Variants in CD81 observed in about 807,000 individuals in gnomAD.
CD81 encodes CD81 molecule, also known as CD81 antigen.
CD81 carries 10 observed loss-of-function variants against 30.1 expected under a neutral mutation model. That is an observed-to-expected ratio of 0.33 (90% CI 0.21 to 0.56). The LOEUF (loss-of-function observed/expected upper bound fraction) is 0.56. Among genes scored for constraint, CD81 ranks in the 20% least tolerant of loss-of-function variants. The pLI is 0.89. For synonymous variants in CD81, 147 were observed against 126.4 expected, an observed-to-expected ratio of 1.16 and a Z score of -1.10; for missense variants, 263 against 308.7, an observed-to-expected ratio of 0.85 and a Z score of 1.11.
chr11:2,395,094 CCTCCT>C (rs1269337825), intron 4 of CD81, 48 bp downstream of exon 4: 1 of 1,495,678 alleles, frequency 6.7e-7, no homozygotes, highest in South Asian at 1.1e-5. Context: ...ACGGGGGCAC[CCTCCT>C]CTCCTGTCGC....
intron 1 of CD81, chr11:2,390,059 G>C (rs762719076): frequency 3.0e-5 from 12 of 401,170 alleles, no homozygotes; most frequent in Non-Finnish European, 5.7e-5. Flanking sequence ...TTATTTTTTT[G>C]TATGTCCCGT....
At chr11:2,385,297 C>G (rs1015591118) in intron 1 of CD81, among the ~76,000 whole-genome samples, 4 of 152,142 alleles carry the variant, frequency 2.6e-5, no homozygotes, top group African/African-American at 7.2e-5. Flanking sequence ...GAAACCATCA[C>G]CAACTCCCCA....
Position 2,394,246 on chromosome 11 carries a change from T to C in CD81, c.279+54T>C. 6 of 1,280,930 alleles carry C rather than the reference T, an allele frequency of 4.7e-6. No homozygotes were observed. The Admixed American group carries it at 1.1e-4, about 23-fold the overall frequency. The allele number at this position is 1,280,930 out of a possible 1,614,324, so 79.3% of individuals were successfully genotyped here. A position where few individuals can be genotyped will look rare whatever the true frequency, so the allele number is the denominator to read the frequency against. On this transcript the variant is annotated intron_variant, in intron 3 of 7. Transcript: ENST00000263645. Reference sequence around the variant, plus strand: ...GGCCGGGGAGGGGCTGGGGGCTGCGTCTGGCCCTGAGGAGGGGGCAGAGCT... The same window carrying C: ...GGCCGGGGAGGGGCTGGGGGCTGCGCCTGGCCCTGAGGAGGGGGCAGAGCT...
chr11:2,396,918 G>C lies in CD81; in HGVS notation c.*52G>C. ...CTCTGCAGTGCCCCCTAAGTGACCC[G>C]GACACTTCCGAGGGGGCCATCACCG... On this transcript the variant is annotated 3_prime_UTR_variant, in exon 8 of 8. Transcript: ENST00000263645. 1 of 1,547,646 alleles carries C rather than the reference G, an allele frequency of 6.5e-7. No homozygotes were observed. Among genetic ancestry groups the C allele is most frequent in the Non-Finnish European group, 8.9e-7 (1 of 1,123,954 alleles).
chr11:2,379,090 C>A (rs2521256), intron 1 of CD81: 3 of 448,690 alleles, frequency 6.7e-6, no homozygotes, highest in Admixed American at 4.7e-5. Flanking sequence ...TCCCCAGGCC[C>A]GGCCCTGGGA....
chr11:2,393,702 GCCAAGTC>G, intron 2 of CD81: 1 of 588,606 alleles, frequency 1.7e-6, no homozygotes, highest in Non-Finnish European at 3.0e-6. Context: ...CCCACCCCAC[GCCAAGTC>G]CCAGAGGCTT....
chr11:2,379,195 T>G (rs1011098619), intron 1 of CD81: 11 of 449,944 alleles, frequency 2.4e-5, no homozygotes, highest in Admixed American at 2.1e-4. Context: ...TGAAGCCCCG[T>G]CCCCTGACGA....
intron 1 of CD81, chr11:2,386,598 GC>G (rs1849802365): frequency 1.4e-6 from 1 of 717,144 alleles, no homozygotes; most frequent in African/African-American, 1.7e-5. Context: ...GCTTGGCATG[GC>G]CCCGTTTGTC....
chr11:2,385,683 G>A (rs189930516), intron 1 of CD81: 96 of 152,452 alleles, frequency 6.3e-4, no homozygotes, highest in Non-Finnish European at 1.2e-3. Context: ...CACCCGTGCC[G>A]TGGCGTGCCC....
rs754554237 is a variant in CD81, at chr11:2,395,483, A to C, written c.422A>C (p.Asn141Thr). 6.2e-7 allele frequency: 1 copy of C among 1,612,614 alleles called. No homozygotes were observed. Among genetic ancestry groups the C allele is most frequent in the Admixed American group, 1.7e-5 (1 of 60,002 alleles). The stretch of plus-strand genomic sequence containing the variant: ...CAGGCCGTGGTGGATGATGACGCCA[A>C]CAACGCCAAGGCTGTGGTGAAGACC... Reference protein sequence around the residue: ...LQQAVVDDDANNAKAVVKTFH... With the variant: ...LQQAVVDDDATNAKAVVKTFH... The change falls in exon 5 of 8, where the codon AAC (asparagine) becomes ACC (threonine). Residue 141 changes from asparagine to threonine, a missense_variant. Physicochemically the swap from Asn to Thr is moderately conservative, Grantham distance 65 (BLOSUM62 0). Coordinates refer to ENST00000263645, the MANE Select transcript of CD81 (RefSeq NM_004356.4).
At chr11:2,393,415 G>C (rs1026839036) in intron 2 of CD81, 1 of 163,138 alleles carries the variant, frequency 6.1e-6, no homozygotes, top group Non-Finnish European at 1.3e-5. Flanking sequence ...TACACGCCCT[G>C]GTCCAGCTGT....
intron 1 of CD81, chr11:2,384,800 G>A (rs1376951574): frequency 6.5e-6 from 1 of 154,108 alleles, no homozygotes; most frequent in Non-Finnish European, 1.5e-5. Flanking sequence ...GTGCTGCTGT[G>A]CAGGCTAAGT....
intron 2 of CD81, chr11:2,391,240 G>C (rs1388961432): frequency 6.3e-6 from 1 of 157,732 alleles, no homozygotes; most frequent in Non-Finnish European, 1.4e-5. Context: ...CTTGAAAGGA[G>C]GCCCCTGGGA....
At chr11:2,383,953 C>T (rs957707642) in intron 1 of CD81, among the ~76,000 whole-genome samples, 1 of 152,140 alleles carries the variant, frequency 6.6e-6, no homozygotes, top group African/African-American at 2.4e-5. Context: ...TGTCCGGGGC[C>T]TGCGGGGGCA....
chr11:2,383,779 C>T (rs12806455), intron 1 of CD81, among the ~76,000 whole-genome samples: 320 of 152,370 alleles, frequency 2.1e-3, no homozygotes, highest in Non-Finnish European at 3.7e-3. Flanking sequence ...TACCATCGTC[C>T]TCGTCCCCCA....
rs1850028513 is a variant in CD81, at chr11:2,397,173, C to T, written c.*307C>T. ...TCAGCCAGGCCTCTCCTGGGAGCCA[C>T]TCGCCCAGAGACTCAGCTTGGCCAA... On this transcript the variant is annotated 3_prime_UTR_variant, in exon 8 of 8. Coordinates refer to ENST00000263645, the MANE Select transcript of CD81 (RefSeq NM_004356.4). 2 of 463,086 alleles carry T rather than the reference C, an allele frequency of 4.3e-6. No homozygotes were observed. The highest frequency in any genetic ancestry group is 8.0e-6 in the Non-Finnish European group (2 of 251,522). 28.7% of individuals were successfully genotyped at this position (463,086 alleles called of 1,614,324 possible). A position where few individuals can be genotyped will look rare whatever the true frequency, so the allele number is the denominator to read the frequency against.
chr11:2,377,345 G>A lies in CD81; in HGVS notation c.-205G>A, dbSNP rs1849612582. 2.7e-5 allele frequency: 4 copies of A among 150,402 alleles called. No homozygotes were observed. The South Asian group carries it at 5.5e-4, about 21-fold the overall frequency. 9.3% of individuals were successfully genotyped at this position (150,402 alleles called of 1,614,324 possible). A position where few individuals can be genotyped will look rare whatever the true frequency, so the allele number is the denominator to read the frequency against. On this transcript the variant is annotated 5_prime_UTR_variant, in exon 1 of 8. Transcript: ENST00000263645. The surrounding 1 kb of genome is among the most constrained non-coding windows in gnomAD (Gnocchi z 7.7). ...CGAGCGCGCAACGGCGGCGACGGCG[G>A]CGACCCCACCGCGCATCCTGCCAGG... is the stretch of plus-strand genomic sequence containing the variant.
chr11:2,395,784 C>A, intron 5 of CD81, 85 bp from the exon 6 acceptor site: 3 of 920,260 alleles, frequency 3.3e-6, no homozygotes, highest in Admixed American at 1.7e-5. Context: ...CGCTGCGTAC[C>A]CCTGGCCACC....
At chr11:2,382,514 G>T (rs910275375) in intron 1 of CD81, 2 of 152,252 alleles carry the variant, frequency 1.3e-5, no homozygotes, top group African/African-American at 4.8e-5. Context: ...TCAGCCCCTC[G>T]GGCTCCCAGT....
Sources: gnomAD v4.1 joint callset for allele counts (sites outside exome capture counted in the v4.1 genomes callset) on GRCh38, gnomAD v4.1.1 for gene constraint, Gnocchi (gnomAD v3.1) non-coding constraint, MANE v1.5 for transcripts, NCBI Gene and HGNC (gene_info 2026-07-23, HGNC 2026-07-21) for gene names.